Variants in COL6A5 observed in about 807,000 individuals in gnomAD.
COL6A5 encodes collagen alpha-5(VI) chain.
In COL6A5, 48 loss-of-function variants were observed where a neutral mutation model predicts 65.6. The ratio of observed to expected loss-of-function variants is 0.73; its 90% CI spans 0.58 to 0.93. The LOEUF is 0.93. Ranked by LOEUF, COL6A5 falls within the 40% of genes least tolerant of loss-of-function variation. The probability of loss-of-function intolerance (pLI) is 0.00; values close to 1 mark genes in which losing one functional copy is unlikely to be tolerated. For synonymous variants in COL6A5, 291 were observed against 322.8 expected (o/e 0.90, Z 1.05); for missense variants, 914 against 928.3 (o/e 0.98, Z 0.20).
chr3:130,462,963 G>C (rs1027563365), intron 5 of COL6A5, among the ~76,000 whole-genome samples: 1 of 152,032 alleles, frequency 6.6e-6, no homozygotes, highest in Non-Finnish European at 1.5e-5. Flanking sequence ...CCACTTATCA[G>C]CCATCCTTTC....
chr3:130,394,106 G>A (rs745440599), intron 7 of COL6A5, among the ~76,000 whole-genome samples: 8 of 152,194 alleles, frequency 5.3e-5, no homozygotes, highest in Non-Finnish European at 7.3e-5. Context: ...GGTTGGAAAT[G>A]AGTATAGAAA....
chr3:130,384,924 T>C, exon 5 of COL6A5: 1 of 1,550,966 alleles, frequency 6.4e-7, no homozygotes, highest in Non-Finnish European at 8.7e-7. Flanking sequence ...ATGTTTAGCA[T>C]TGGCCCAGAC....
intron 1 of COL6A5, among the ~76,000 whole-genome samples, chr3:130,363,440 A>G (rs908992363): frequency 1.3e-5 from 2 of 152,182 alleles, no homozygotes; most frequent in African/African-American, 4.8e-5. Flanking sequence ...TATGAACTTT[A>G]CAAATGCCTC....
chr3:130,362,312 ATATATATATATATATTTTT>A lies in COL6A5; in HGVS notation c.-28-11297_-28-11279del, dbSNP rs1395304784. 5.3e-3 allele frequency among the ~76,000 whole-genome samples: 73 copies of A among 13,848 alleles called. 2 individuals carry two copies. The highest frequency in any genetic ancestry group is 0.017 in the African/African-American group (60 of 3,618). 9.1% of individuals were successfully genotyped at this position (13,848 alleles called of 152,430 possible). ...TCCATATATATATATATATATATAT[ATATATATATATATATTTTT>A]TTTTTTTTTTTTTTTTGCATGTGGA... On this transcript the variant is annotated intron_variant and NMD_transcript_variant, in intron 1 of 41. Transcript: ENST00000312481.
At chr3:130,367,668 T>C (rs1211678110) in intron 1 of COL6A5, among the ~76,000 whole-genome samples, 1 of 152,212 alleles carries the variant, frequency 6.6e-6, no homozygotes, top group Non-Finnish European at 1.5e-5. Context: ...GCTAAGAACA[T>C]TGTTGGCACT....
exon 6 of COL6A5, chr3:130,388,717 A>G: frequency 6.4e-7 from 1 of 1,551,346 alleles, no homozygotes; most frequent in Non-Finnish European, 8.7e-7. Context: ...CAAAACCCAG[A>G]TTGGTGTTGT....
chr3:130,370,637 CTT>C (rs1935520789), intron 1 of COL6A5, among the ~76,000 whole-genome samples: 1 of 152,074 alleles, frequency 6.6e-6, no homozygotes, highest in Non-Finnish European at 1.5e-5. Flanking sequence ...ATCAGAATAA[CTT>C]ATACAAAAAC....
intron 24 of COL6A5, 112 bp from the exon 25 acceptor site, chr3:130,418,757 A>G: frequency 1.3e-6 from 1 of 783,348 alleles, no homozygotes; most frequent in Non-Finnish European, 2.2e-6. Flanking sequence ...CTTAGTGAGC[A>G]CTGACCCCTC....
upstream of COL6A5, chr3:130,426,465 T>C (rs1344631691): frequency 8.7e-6 from 13 of 1,489,226 alleles, no homozygotes; most frequent in Non-Finnish European, 1.1e-5. Context: ...TAGGACTGTA[T>C]GCAGTGTGGG....
At chr3:130,436,639 T>C (rs963591052) in intron 1 of COL6A5, among the ~76,000 whole-genome samples, 2 of 152,226 alleles carry the variant, frequency 1.3e-5, no homozygotes, top group African/African-American at 4.8e-5. Flanking sequence ...CCTGGACTTA[T>C]TTGCAGTATA....
chr3:130,455,394 GT>G (rs1709547612), intron 4 of COL6A5, 60 bp from the exon 37 acceptor site: 1 of 985,702 alleles, frequency 1.0e-6, no homozygotes, highest in African/African-American at 1.6e-5. Flanking sequence ...TGTTAAGGAT[GT>G]TTTATTTGCC....
rs140686467 is a variant in COL6A5, at chr3:130,434,159, C to T, written c.487+2210C>T. On this transcript the variant is annotated intron_variant, in intron 1 of 7. Transcript: ENST00000512836. ...GTGTCCATGTGATCTCAACATTCAA[C>T]TCCCAATTATGAGTGAGAACACGCG... Among the ~76,000 whole-genome samples the T allele has an allele frequency of 5.0e-4, 76 of 152,288 alleles. No homozygotes were observed. In the East Asian group the frequency reaches 0.014, roughly 27 times the overall value.
At chr3:130,434,473 A>G (rs1237161622) in intron 1 of COL6A5, among the ~76,000 whole-genome samples, 1 of 152,184 alleles carries the variant, frequency 6.6e-6, no homozygotes, top group Non-Finnish European at 1.5e-5. Flanking sequence ...TTCTGGGTCA[A>G]ATAGTATTTC....
rs77972907 is a variant in COL6A5, at chr3:130,368,692, G to A, written c.-28-4919G>A. On this transcript the variant is annotated intron_variant and NMD_transcript_variant, in intron 1 of 41. Transcript: ENST00000312481. ...CCAGGTGGCTAGAATGAGTGTCTGG[G>A]TGTGGACAGATTTGAGAGTGTGGAG... Among the ~76,000 whole-genome samples, 1,480 of 152,264 alleles carry A rather than the reference G, an allele frequency of 9.7e-3. 13 individuals are homozygous for A. Among genetic ancestry groups the A allele is most frequent in the South Asian group, 0.07 (335 of 4,816 alleles).
At chr3:130,376,176 TG>T in intron 2 of COL6A5, 60 bp from the exon 3 acceptor site, 1 of 1,477,140 alleles carries the variant, frequency 6.8e-7, no homozygotes, top group Non-Finnish European at 9.0e-7. Context: ...ATAAGTATTG[TG>T]GTCTAAAATA....
chr3:130,454,522 A>T (rs1709520444), intron 4 of COL6A5, among the ~76,000 whole-genome samples: 1 of 152,246 alleles, frequency 6.6e-6, no homozygotes, highest in African/African-American at 2.4e-5. Flanking sequence ...AAACATCAGT[A>T]TCAAATGCAA....
chr3:130,476,747 A>G, intron 7 of COL6A5: 1 of 470,214 alleles, frequency 2.1e-6, no homozygotes, highest in South Asian at 1.8e-5. Context: ...AATCAAAAGG[A>G]TTATCATCAA....
intron 7 of COL6A5, among the ~76,000 whole-genome samples, chr3:130,472,858 T>C (rs188808134): frequency 0.013 from 1,836 of 141,844 alleles, 71 homozygotes; most frequent in African/African-American, 0.046. Context: ...TATATATATA[T>C]ACACATTTAT....
intron 5 of COL6A5, among the ~76,000 whole-genome samples, chr3:130,460,630 G>A (rs1203493029): frequency 6.6e-6 from 1 of 152,066 alleles, no homozygotes; most frequent in African/African-American, 2.4e-5. Flanking sequence ...TGATGGTGAT[G>A]GAGGCGGTGG....
Sources: gnomAD v4.1 joint callset for allele counts (sites outside exome capture counted in the v4.1 genomes callset) on GRCh38, gnomAD v4.1.1 for gene constraint, MANE v1.5 for transcripts, NCBI Gene and HGNC (gene_info 2026-07-23, HGNC 2026-07-21) for gene names.